SGPP2: variants seen among roughly 807,000 people sequenced by gnomAD.
SGPP2 encodes sphingosine 1-phosphate phosphohydrolase 2.
SGPP2 carries 30 observed loss-of-function variants against 33.9 expected under a neutral mutation model. The observed-to-expected ratio is 0.89, with a 90% confidence interval of 0.66 to 1.20. The LOEUF (loss-of-function observed/expected upper bound fraction) is 1.20, where lower values mean the gene tolerates loss of function less well. Ranked by LOEUF, SGPP2 falls within the 50% of genes most tolerant of loss-of-function variation. The pLI, the probability that SGPP2 is intolerant of heterozygous loss-of-function variation, is 0.00. For missense variants in SGPP2, 458 were observed against 532.1 expected (o/e 0.86, Z 1.37); for synonymous variants, 233 against 225.0 (o/e 1.04, Z -0.32).
chr2:222,499,306 C>T (rs143937678), intron 2 of SGPP2, among the ~76,000 whole-genome samples: 135 of 152,310 alleles, frequency 8.9e-4, no homozygotes, highest in Admixed American at 2.5e-3. Flanking sequence ...GATCAACCAC[C>T]CCTCCTAATG....
At chr2:222,505,618 A>G (rs903579797) in intron 2 of SGPP2, among the ~76,000 whole-genome samples, 2 of 152,136 alleles carry the variant, frequency 1.3e-5, no homozygotes, top group East Asian at 1.9e-4. Context: ...TAAAATATAC[A>G]TGAATCTATT....
At chr2:222,440,089 A>G (rs1429943277) in intron 1 of SGPP2, among the ~76,000 whole-genome samples, 1 of 152,240 alleles carries the variant, frequency 6.6e-6, no homozygotes, top group African/African-American at 2.4e-5. Context: ...TTTTCTCGCA[A>G]CTTTTACTAC....
intron 2 of SGPP2, among the ~76,000 whole-genome samples, chr2:222,496,678 C>G (rs1168127275): frequency 6.6e-6 from 1 of 152,146 alleles, no homozygotes; most frequent in African/African-American, 2.4e-5. Flanking sequence ...TGGTGAGACC[C>G]CCCCGCCATG....
In SGPP2 at chr2:222,561,133, C is replaced by T. The variant is rs1689531305; in HGVS notation, c.*2235C>T. Among the ~76,000 whole-genome samples, 1 of 151,156 alleles carries T rather than the reference C, an allele frequency of 6.6e-6. No individual in the cohort carries two copies. Among genetic ancestry groups the T allele is most frequent in the Admixed American group, 6.6e-5 (1 of 15,184 alleles). On this transcript the variant is annotated 3_prime_UTR_variant, in exon 5 of 5. Coordinates refer to ENST00000321276, the MANE Select transcript of SGPP2 (RefSeq NM_152386.4). ...AAAAAAAAAAGAATTTTTAGCAAAA[C>T]ATCCTGTTTTTACTTAAAATTCTTC...
At chr2:222,531,105 T>C (rs1277522681) in intron 4 of SGPP2, among the ~76,000 whole-genome samples, 1 of 152,176 alleles carries the variant, frequency 6.6e-6, no homozygotes, top group Non-Finnish European at 1.5e-5. Flanking sequence ...ATTAGGGTTA[T>C]TAATGGGCCT....
chr2:222,506,600 A>G (rs1051085212), intron 2 of SGPP2, among the ~76,000 whole-genome samples: 1 of 152,202 alleles, frequency 6.6e-6, no homozygotes, highest in African/African-American at 2.4e-5. Flanking sequence ...CAAACAAAAT[A>G]TGTGTTCATC....
At position 222,426,196 on chromosome 2, in the gene SGPP2, C is replaced by T. The variant is rs1184029821; in HGVS notation, c.219+1375C>T. ...CTGCACTCCAGCCAGGGCGACTGAG[C>T]GAGACTCCGTCTCAAAAAAAAAAAA... On this transcript the variant is annotated intron_variant, in intron 1 of 4. Transcript: ENST00000321276. Among the ~76,000 whole-genome samples the T allele has an allele frequency of 1.1e-4, 13 of 114,682 alleles. No individual in the cohort carries two copies. The East Asian group carries it at 3.4e-3, about 30-fold the overall frequency. 75.2% of individuals were successfully genotyped at this position (114,682 alleles called of 152,430 possible).
chr2:222,522,584 G>A (rs1698702306), intron 3 of SGPP2, among the ~76,000 whole-genome samples: 4 of 152,158 alleles, frequency 2.6e-5, no homozygotes, highest in Admixed American at 2.6e-4. Context: ...TTACAGCAAT[G>A]GAAGTTATTT....
rs1057325460 is a variant in SGPP2, at chr2:222,477,592, T to C, written c.378+2866T>C. On this transcript the variant is annotated intron_variant, in intron 2 of 4. Coordinates refer to ENST00000321276, the MANE Select transcript of SGPP2 (RefSeq NM_152386.4). This position sits in a 1 kb window ranked among gnomAD's most constrained non-coding sequence, Gnocchi z 6.0. Reference sequence around the variant, plus strand: ...GTGTATGTATATAGGTGTGTGTATATATATGTGTGTGTGTGTGTTCTAAAT... The same window carrying C: ...GTGTATGTATATAGGTGTGTGTATACATATGTGTGTGTGTGTGTTCTAAAT... Among the ~76,000 whole-genome samples the C allele has an allele frequency of 2.0e-5, 3 of 151,994 alleles. No homozygotes were observed. The highest frequency in any genetic ancestry group is 6.6e-5 in the Admixed American group (1 of 15,258).
At chr2:222,449,649 C>G (rs924802968) in intron 1 of SGPP2, among the ~76,000 whole-genome samples, 2 of 151,908 alleles carry the variant, frequency 1.3e-5, no homozygotes, top group Non-Finnish European at 2.9e-5. Context: ...TTTTGTATTT[C>G]TAGTAGAGAT....
chr2:222,455,214 C>CT (rs1229815794), intron 1 of SGPP2, among the ~76,000 whole-genome samples: 1 of 63,786 alleles, frequency 1.6e-5, no homozygotes, highest in Non-Finnish European at 3.5e-5. Context: ...ACTCCAATCT[C>CT]TTTAAAAAAA....
chr2:222,431,744 C>T (rs1697160649), intron 1 of SGPP2, among the ~76,000 whole-genome samples: 1 of 152,178 alleles, frequency 6.6e-6, no homozygotes, highest in Non-Finnish European at 1.5e-5. Context: ...CAAAGAAAGG[C>T]AGCCACAGCC....
chr2:222,477,851 CAG>C lies in SGPP2; in HGVS notation c.378+3128_378+3129del, dbSNP rs1200535457. Among the ~76,000 whole-genome samples, 2 of 152,124 alleles carry C rather than the reference CAG, an allele frequency of 1.3e-5. No individual in the cohort carries two copies. Among genetic ancestry groups the C allele is most frequent in the Non-Finnish European group, 2.9e-5 (2 of 68,024 alleles). On this transcript the variant is annotated intron_variant, in intron 2 of 4. Transcript: ENST00000321276. This position sits in a 1 kb window ranked among gnomAD's most constrained non-coding sequence, Gnocchi z 6.0. ...CTTCGGATTCCTCACTTCAAAGCGT[CAG>C]AGTGCTTGTCTGAGGCAAAATGACA...
intron 1 of SGPP2, among the ~76,000 whole-genome samples, chr2:222,471,602 C>T (rs1479735226): frequency 6.6e-6 from 1 of 152,082 alleles, no homozygotes; most frequent in East Asian, 1.9e-4. Context: ...ACAGAATGGG[C>T]ATCATAGGCA....
rs531988835 is a variant in SGPP2 at position 222,460,891 on chromosome 2, A to T, written c.220-13677A>T. ...TCCTCTCCCTTCATGATGCCTTTTT[A>T]AAAAATCTCTTTAAATTAATTAAGC... is the stretch of plus-strand genomic sequence containing the variant. On this transcript the variant is annotated intron_variant, in intron 1 of 4. Coordinates refer to ENST00000321276, the MANE Select transcript of SGPP2 (RefSeq NM_152386.4). The surrounding 1 kb of genome is among the most constrained non-coding windows in gnomAD (Gnocchi z 4.3). 1.3e-5 allele frequency among the ~76,000 whole-genome samples: 2 copies of T among 152,112 alleles called. No individual in the cohort carries two copies. The highest frequency in any genetic ancestry group is 1.9e-4 in the East Asian group (1 of 5,162).
At chr2:222,481,151 C>G (rs1427597098) in intron 2 of SGPP2, among the ~76,000 whole-genome samples, 2 of 152,094 alleles carry the variant, frequency 1.3e-5, no homozygotes, top group African/African-American at 2.4e-5. Flanking sequence ...GGCTTAATAC[C>G]TAGGTGATGG....
Position 222,424,696 on chromosome 2 carries a change from C to G in SGPP2, c.94C>G (p.Arg32Gly). Residue 32 changes from arginine (R) to glycine (G), a missense_variant, in exon 1 of 5, where the codon CGG (arginine) becomes GGG (glycine). By Grantham distance (125) the Arg-to-Gly change is moderately radical (BLOSUM62 -2). Coordinates refer to ENST00000321276, the MANE Select transcript of SGPP2 (RefSeq NM_152386.4). Reference protein sequence around the residue: ...GLFPAPDEGPRENGADPTERA... With the variant: ...GLFPAPDEGPGENGADPTERA... Reference sequence around the variant, plus strand: ...CTTCCCCGCTCCGGATGAAGGCCCCCGGGAGAACGGCGCGGACCCCACGGA... The same window carrying G: ...CTTCCCCGCTCCGGATGAAGGCCCCGGGGAGAACGGCGCGGACCCCACGGA... 1 of 1,451,222 alleles carries G rather than the reference C, an allele frequency of 6.9e-7. No homozygotes were observed. The highest frequency in any genetic ancestry group is 9.1e-7 in the Non-Finnish European group (1 of 1,104,086). The allele number at this position is 1,451,222 out of a possible 1,614,324, so 89.9% of individuals were successfully genotyped here. A position where few individuals can be genotyped will look rare whatever the true frequency, so the allele number is the denominator to read the frequency against.
intron 1 of SGPP2, among the ~76,000 whole-genome samples, chr2:222,431,198 A>G (rs980950712): frequency 1.3e-4 from 20 of 152,196 alleles, no homozygotes; most frequent in Non-Finnish European, 2.8e-4. Flanking sequence ...TTAAAAAAAA[A>G]AAAAGTCTAT....
chr2:222,446,070 A>G (rs1697394340), intron 1 of SGPP2, among the ~76,000 whole-genome samples: 1 of 152,176 alleles, frequency 6.6e-6, no homozygotes. Context: ...TCATGGGTCT[A>G]CTCAATCTGC....
Sources: gnomAD v4.1 joint callset for allele counts (sites outside exome capture counted in the v4.1 genomes callset) on GRCh38, gnomAD v4.1.1 for gene constraint, Gnocchi (gnomAD v3.1) non-coding constraint, MANE v1.5 for transcripts, NCBI Gene and HGNC (gene_info 2026-07-23, HGNC 2026-07-21) for gene names.